The following LRRC7 variants were observed in gnomAD, a reference collection of about 807,000 sequenced individuals.
LRRC7 encodes the protein leucine-rich repeat-containing protein 7.
In LRRC7, 23 loss-of-function variants were observed where a neutral mutation model predicts 175.7. The ratio of observed to expected loss-of-function variants is 0.13; its 90% CI spans 0.09 to 0.19. LRRC7 has a LOEUF of 0.19. LRRC7 is among the 10% of genes least tolerant of loss of function. LRRC7 has a pLI of 1.00. For missense variants in LRRC7, 1,354 were observed against 1,904.7 expected, an observed-to-expected ratio of 0.71 and a Z score of 5.38; for synonymous variants, 685 against 680.9, an observed-to-expected ratio of 1.01 and a Z score of -0.09.
intron 5 of LRRC7, among the ~76,000 whole-genome samples, chr1:69,826,654 A>C (rs931344047): frequency 1.3e-5 from 2 of 152,148 alleles, no homozygotes; most frequent in African/African-American, 4.8e-5. Context: ...GCTTCAGAGT[A>C]AGACTGGCAT....
rs776239025 is a variant in LRRC7 at position 70,036,458 on chromosome 1, T to G, written c.2122T>G (p.Ser708Ala). 2 of 1,612,882 alleles carry G rather than the reference T, an allele frequency of 1.2e-6. No homozygotes were observed. Among genetic ancestry groups the G allele is most frequent in the Non-Finnish European group, 1.7e-6 (2 of 1,179,544 alleles). ...GKDKKESTDESEVDKTHCLNN... is the reference protein window; with the variant it reads ...GKDKKESTDEAEVDKTHCLNN... ...TTAAATTTCAGAATCAACTGATGAGTCTGAAGTTGACAAAACTCACTGTCT... is the reference window on the plus strand; with the variant it reads ...TTAAATTTCAGAATCAACTGATGAGGCTGAAGTTGACAAAACTCACTGTCT... Residue 708 changes from serine to alanine, a missense_variant, in exon 20 of 27, where the codon TCT becomes GCT. Physicochemically the swap from Ser to Ala is moderately conservative, Grantham distance 99. This residue lies in a region of LRRC7 where 1,032 missense variants were observed against 1,227.2 expected (regional missense o/e 0.84). Coordinates refer to ENST00000651989, the MANE Select transcript of LRRC7 (RefSeq NM_001370785.2).
chr1:69,971,031 CAT>C (rs1652182638), intron 8 of LRRC7, among the ~76,000 whole-genome samples: 1 of 152,088 alleles, frequency 6.6e-6, no homozygotes, highest in Non-Finnish European at 1.5e-5. Context: ...ACAAAAATCA[CAT>C]ATCATCTTAA....
rs1290294626 is a variant in LRRC7 at position 70,131,943 on chromosome 1, TAGAATAATG to T, written c.*10068_*10076del. On this transcript the variant is annotated 3_prime_UTR_variant, in exon 27 of 27. Coordinates refer to ENST00000651989, the MANE Select transcript of LRRC7 (RefSeq NM_001370785.2). ...GAAATATTTTTAAGTAAGAGCATTT[TAGAATAATG>T]AGAATAATGAGTGAGTAAGGAACAA... Among the ~76,000 whole-genome samples the T allele has an allele frequency of 6.6e-6, 1 of 152,178 alleles. No homozygotes were observed. Among genetic ancestry groups the T allele is most frequent in the Non-Finnish European group, 1.5e-5 (1 of 68,024 alleles).
rs17131205 is a variant in LRRC7 at position 70,105,300 on chromosome 1, C to A, written c.4546-2452C>A. The stretch of plus-strand genomic sequence containing the variant: ...GCTGAATTGGCCAACGCTGTTAAAG[C>A]ATCACTCCTGAGTGCCACCATTAAC... On this transcript the variant is annotated intron_variant, in intron 25 of 26. Transcript: ENST00000651989. Among the ~76,000 whole-genome samples, 608 of 152,256 alleles carry A rather than the reference C, an allele frequency of 4.0e-3. 3 individuals are homozygous for A. Among genetic ancestry groups the A allele is most frequent in the African/African-American group, 0.014 (578 of 41,544 alleles).
chr1:69,658,873 A>G (rs545127124), intron 1 of LRRC7, among the ~76,000 whole-genome samples: 1 of 152,156 alleles, frequency 6.6e-6, no homozygotes, highest in South Asian at 2.1e-4. Flanking sequence ...TCTGAAAATA[A>G]GAAAGGTATA....
intron 1 of LRRC7, among the ~76,000 whole-genome samples, chr1:69,670,367 G>A (rs1006850571): frequency 6.6e-6 from 1 of 152,142 alleles, no homozygotes; most frequent in East Asian, 1.9e-4. Context: ...GATTCAGATC[G>A]TTTCCCTTAC....
At chr1:69,663,463 CT>C (rs1452816895) in intron 1 of LRRC7, among the ~76,000 whole-genome samples, 1 of 152,030 alleles carries the variant, frequency 6.6e-6, no homozygotes, top group African/African-American at 2.4e-5. Context: ...AGCATTTATC[CT>C]TTGTGTTATG....
chr1:69,736,447 C>T (rs1668123827), intron 2 of LRRC7, among the ~76,000 whole-genome samples: 1 of 151,910 alleles, frequency 6.6e-6, no homozygotes, highest in South Asian at 2.1e-4. Context: ...TAACAGAATC[C>T]AGTGGTATTT....
chr1:69,934,425 T>C (rs1647734502), intron 8 of LRRC7, among the ~76,000 whole-genome samples: 1 of 145,446 alleles, frequency 6.9e-6, no homozygotes, highest in African/African-American at 2.6e-5. Flanking sequence ...GGAATTATTT[T>C]ATATTTTTAA....
intron 23 of LRRC7, among the ~76,000 whole-genome samples, chr1:70,060,169 A>G (rs1661466529): frequency 6.6e-6 from 1 of 151,936 alleles, no homozygotes. Flanking sequence ...AAAATGTCAA[A>G]AAAAATTAGC....
intron 16 of LRRC7, 187 bp downstream of exon 16, chr1:70,021,316 T>C (rs1657472575): frequency 2.1e-5 from 10 of 469,638 alleles, no homozygotes; most frequent in Admixed American, 7.6e-5. Flanking sequence ...ATGTCCCAAA[T>C]CTGAGTGAGC....
chr1:69,854,693 G>A (rs1224585313), intron 7 of LRRC7, among the ~76,000 whole-genome samples: 1 of 152,126 alleles, frequency 6.6e-6, no homozygotes, highest in Non-Finnish European at 1.5e-5. Flanking sequence ...TCCTTTGGGG[G>A]AAAAACAGCT....
At chr1:69,850,582 G>T (rs918654460) in intron 7 of LRRC7, among the ~76,000 whole-genome samples, 8 of 152,074 alleles carry the variant, frequency 5.3e-5, no homozygotes, top group Non-Finnish European at 7.4e-5. Context: ...TGCAGTTATG[G>T]AGACAATGAG....
chr1:69,890,772 C>T (rs565718541), intron 7 of LRRC7, among the ~76,000 whole-genome samples: 8 of 152,356 alleles, frequency 5.3e-5, no homozygotes, highest in Non-Finnish European at 7.3e-5. Flanking sequence ...ACTGCAGCTT[C>T]TACATCAGCA....
In LRRC7 at chr1:70,076,417, G is replaced by A. The variant is rs1662781972; in HGVS notation, c.4452+119G>A. The A allele has an allele frequency of 3.8e-6, 3 of 791,818 alleles. No homozygotes were observed. In the South Asian group the frequency reaches 5.4e-5, roughly 14 times the overall value. 49.0% of individuals were successfully genotyped at this position (791,818 alleles called of 1,614,324 possible). A position where few individuals can be genotyped will look rare whatever the true frequency, so the allele number is the denominator to read the frequency against. On this transcript the variant is annotated intron_variant, in intron 24 of 26. Transcript: ENST00000651989. ...ACAATGCCATCACCATGTTGAATGG[G>A]GTAGGGCCCTCTTTGTGGGGATTTT... is the stretch of plus-strand genomic sequence containing the variant.
At chr1:69,796,610 C>G (rs1263005916) in intron 4 of LRRC7, among the ~76,000 whole-genome samples, 1 of 151,986 alleles carries the variant, frequency 6.6e-6, no homozygotes, top group Non-Finnish European at 1.5e-5. Flanking sequence ...CATGGAGAAG[C>G]CCTGCCTCTA....
intron 8 of LRRC7, among the ~76,000 whole-genome samples, chr1:69,954,532 C>T (rs1265920083): frequency 6.6e-6 from 1 of 151,960 alleles, no homozygotes; most frequent in Non-Finnish European, 1.5e-5. Flanking sequence ...CATCTGTTCA[C>T]AAATCCATAT....
intron 1 of LRRC7, among the ~76,000 whole-genome samples, chr1:69,655,963 A>C (rs1278017220): frequency 6.6e-6 from 1 of 152,040 alleles, no homozygotes; most frequent in Non-Finnish European, 1.5e-5. Context: ...TATTGAAATT[A>C]ATGTTTCATA....
At chr1:69,735,764 C>T (rs919985366) in intron 2 of LRRC7, among the ~76,000 whole-genome samples, 1 of 151,904 alleles carries the variant, frequency 6.6e-6, no homozygotes, top group Non-Finnish European at 1.5e-5. Flanking sequence ...TTTCAAGAAG[C>T]TTCCTTTTTA....
Sources: gnomAD v4.1 joint callset for allele counts (sites outside exome capture counted in the v4.1 genomes callset) on GRCh38, gnomAD v4.1.1 for gene constraint, gnomAD v4.1.1 regional missense constraint, MANE v1.5 for transcripts, NCBI Gene and HGNC (gene_info 2026-07-23, HGNC 2026-07-21) for gene names.